Variants in CAPN15 observed in about 807,000 individuals in gnomAD.
CAPN15 encodes the protein calpain-15.
In CAPN15, 53 loss-of-function variants were observed where a neutral mutation model predicts 97.9. The ratio of observed to expected loss-of-function variants is 0.54; its 90% CI spans 0.43 to 0.68. The LOEUF (loss-of-function observed/expected upper bound fraction) is 0.68. CAPN15 is among the 30% of genes least tolerant of loss of function. The pLI is 0.00. For synonymous variants in CAPN15, 922 were observed against 722.5 expected (o/e 1.28, Z -4.43); for missense variants, 1,592 against 1,589.8 (o/e 1.00, Z -0.02).
At position 546,972 on chromosome 16, in the gene CAPN15, A is replaced by G. The variant is rs372023253; in HGVS notation, c.134A>G (p.Glu45Gly). 1.2e-5 allele frequency: 19 copies of G among 1,610,272 alleles called. No individual in the cohort carries two copies. In the African/African-American group the frequency reaches 1.7e-4, roughly 15 times the overall value. ...CACATCCTGCGGCTCAGCGTGGAGG[A>G]GCAGAAATGGCCCTGCGCCCGCTGC... The part of the protein sequence containing the change: ...LNHILRLSVE[E>G]QKWPCARCTF... The change falls in exon 4 of 14, where the codon GAG (glutamate) becomes GGG (glycine). Residue 45 changes from glutamate (E) to glycine (G), a missense_variant. Glu to Gly is a moderately conservative substitution (Grantham distance 98). Transcript: ENST00000219611.
chr16:553,805 G>A lies in CAPN15; in HGVS notation c.*289G>A, dbSNP rs369514128. 150 of 331,344 alleles carry A rather than the reference G, an allele frequency of 4.5e-4. No individual in the cohort carries two copies. Among genetic ancestry groups the A allele is most frequent in the African/African-American group, 1.8e-3 (87 of 47,028 alleles). The allele number at this position is 331,344 out of a possible 1,614,324, so 20.5% of individuals were successfully genotyped here. ...CCAGCCCCAACACCCGACGGGGGCC[G>A]AGGCCAGGCTGCCCCTCCCTGTGGG... On this transcript the variant is annotated 3_prime_UTR_variant, in exon 14 of 14. Coordinates refer to ENST00000219611, the MANE Select transcript of CAPN15 (RefSeq NM_005632.3).
At position 549,778 on chromosome 16, in the gene CAPN15, G is replaced by A. The variant is rs749534366; in HGVS notation, c.2006G>A (p.Arg669His). 53 of 1,592,822 alleles carry A rather than the reference G, an allele frequency of 3.3e-5. No homozygotes were observed. The highest frequency in any genetic ancestry group is 1.7e-4 in the Middle Eastern group (1 of 6,060). The change falls in exon 7 of 14, where the codon CGC (arginine) becomes CAC (histidine). Residue 669 changes from arginine to histidine, a missense_variant. Physicochemically the swap from Arg to His is conservative, Grantham distance 29. Transcript: ENST00000219611. ...LALQLSSTNP[R>H]EEPVDTDLIW... ...CTGCAGCTCAGCTCCACTAACCCCC[G>A]CGAGGAGCCCGTTGACACTGACCTC...
chr16:534,460 C>T (rs911241592), intron 2 of CAPN15, among the ~76,000 whole-genome samples: 1 of 152,184 alleles, frequency 6.6e-6, no homozygotes, highest in Non-Finnish European at 1.5e-5. Context: ...TCGGAGTCCA[C>T]GTCCTCCCCC....
At position 548,194 on chromosome 16, in the gene CAPN15, G is replaced by T; in HGVS notation, c.1356G>T (p.Arg452Ser). ...AGCGGCGGGGGGCCGCGCCCCTGAG[G>T]CGCAGGGAGAGCATGCACGTGGAGC... ...VAQRRGAAPL[R>S]RRESMHVEQR... Residue 452 changes from arginine to serine, a missense_variant, in exon 4 of 14, where the codon AGG (arginine) becomes AGT (serine). By Grantham distance (110) the Arg-to-Ser change is moderately radical. Coordinates refer to ENST00000219611, the MANE Select transcript of CAPN15 (RefSeq NM_005632.3). 6.5e-7 allele frequency: 1 copy of T among 1,542,312 alleles called. No homozygotes were observed. The highest frequency in any genetic ancestry group is 8.7e-7 in the Non-Finnish European group (1 of 1,144,662).
intron 7 of CAPN15, among the ~76,000 whole-genome samples, chr16:550,778 T>TCCCGGTCAGTGAGGGC (rs2034961174): frequency 5.8e-4 from 1 of 1,716 alleles, no homozygotes; most frequent in Non-Finnish European, 1.1e-3. Flanking sequence ...CCGGTGAGGG[T>TCCCGGTCAGTGAGGGC]CCCGGTCGGT....
In CAPN15 at chr16:547,718, C is replaced by T. The variant is rs374282083; in HGVS notation, c.880C>T (p.Arg294Trp). Reference sequence around the variant, plus strand: ...CCTAGCAGAGTTGCTGTCTGGCAAGCGGCTGAGTGTGCTGGAGGAAGAGGC... The same window carrying T: ...CCTAGCAGAGTTGCTGTCTGGCAAGTGGCTGAGTGTGCTGGAGGAAGAGGC... ...SRLAELLSGK[R>W]LSVLEEEATE... is the part of the protein sequence containing the mutation. Residue 294 changes from arginine to tryptophan, a missense_variant, in exon 4 of 14, where the codon CGG becomes TGG. Physicochemically the swap from Arg to Trp is moderately radical, Grantham distance 101 (BLOSUM62 -3). Around this residue, in one of 3 missense-constraint regions of CAPN15, gnomAD observed 883 missense variants for 776.6 expected, o/e 1.14. Transcript: ENST00000219611. 6.4e-5 allele frequency: 102 copies of T among 1,600,240 alleles called. No individual in the cohort carries two copies. The highest frequency in any genetic ancestry group is 1.7e-4 in the Middle Eastern group (1 of 6,052).
intron 1 of CAPN15, among the ~76,000 whole-genome samples, chr16:530,464 C>T (rs560441171): frequency 5.9e-5 from 9 of 152,238 alleles, no homozygotes; most frequent in Non-Finnish European, 1.3e-4. Flanking sequence ...GTGGACACGG[C>T]CACACCTGAG....
chr16:543,736 AC>A (rs2034321423), intron 3 of CAPN15, among the ~76,000 whole-genome samples: 1 of 152,112 alleles, frequency 6.6e-6, no homozygotes, highest in Admixed American at 6.5e-5. Flanking sequence ...AGCCCTCCCC[AC>A]CACGTGCATG....
chr16:539,917 G>A (rs1338407546), intron 3 of CAPN15: 1 of 202,876 alleles, frequency 4.9e-6, no homozygotes, highest in Admixed American at 6.5e-5. Flanking sequence ...CCCGAGGGAG[G>A]AGCCCTGTGG....
chr16:536,365 C>T (rs2033725915), intron 3 of CAPN15, among the ~76,000 whole-genome samples: 1 of 152,190 alleles, frequency 6.6e-6, no homozygotes, highest in Non-Finnish European at 1.5e-5. Flanking sequence ...GGGGCCCTCC[C>T]ATCGGAGTCT....
At position 549,214 on chromosome 16, in the gene CAPN15, C is replaced by T; in HGVS notation, c.1658+13C>T. 2.0e-6 allele frequency: 1 copy of T among 506,158 alleles called. No individual in the cohort carries two copies. The highest frequency in any genetic ancestry group is 3.6e-6 in the Non-Finnish European group (1 of 278,768). The allele number at this position is 506,158 out of a possible 1,614,324, so 31.4% of individuals were successfully genotyped here. A position where few individuals can be genotyped will look rare whatever the true frequency, so the allele number is the denominator to read the frequency against. On this transcript the variant is annotated intron_variant, in intron 5 of 13. Transcript: ENST00000219611. ...TGGGGAACTGCTGGTGAGGCCTTCT[C>T]CAAGGCCGGGGTGGGGCGGGTGGGC...
intron 9 of CAPN15, 114 bp from the exon 10 acceptor site, chr16:551,937 G>A (rs1417587034): frequency 2.5e-6 from 3 of 1,215,592 alleles, no homozygotes; most frequent in South Asian, 2.6e-5. Flanking sequence ...CAAGAGGACG[G>A]TGACGGAGCA....
chr16:540,491 T>C (rs1015577633), intron 3 of CAPN15: 6 of 359,480 alleles, frequency 1.7e-5, no homozygotes, highest in South Asian at 2.2e-4. Flanking sequence ...CTTCCAGTTG[T>C]GGCAGCTCTC....
chr16:546,325 G>T (rs919366708), intron 3 of CAPN15, among the ~76,000 whole-genome samples: 1 of 152,250 alleles, frequency 6.6e-6, no homozygotes, highest in African/African-American at 2.4e-5. Flanking sequence ...GCCAGGCAGA[G>T]CAGCCAGTCT....
rs1183517018 is a variant in CAPN15 at position 550,749 on chromosome 16, G to C, written c.2067-553G>C. On this transcript the variant is annotated intron_variant, in intron 7 of 13. Transcript: ENST00000219611. ...GAGGGTCCCCGTCGGTGAGGGTCCCGGTCGGTGAGGGTCCCCTGCCGGTGA... is the reference window on the plus strand; with the variant it reads ...GAGGGTCCCCGTCGGTGAGGGTCCCCGTCGGTGAGGGTCCCCTGCCGGTGA... 5.4e-4 allele frequency among the ~76,000 whole-genome samples: 66 copies of C among 122,746 alleles called. 1 individual carries two copies. The highest frequency in any genetic ancestry group is 9.2e-4 in the Non-Finnish European group (54 of 58,870). 80.5% of individuals were successfully genotyped at this position (122,746 alleles called of 152,430 possible).
At chr16:545,739 C>T (rs2034540363) in intron 3 of CAPN15, among the ~76,000 whole-genome samples, 1 of 152,222 alleles carries the variant, frequency 6.6e-6, no homozygotes, top group African/African-American at 2.4e-5. Context: ...GAGGCCCAGC[C>T]CACCTCTGCC....
intron 7 of CAPN15, among the ~76,000 whole-genome samples, chr16:550,500 C>G (rs563114098): frequency 6.6e-6 from 1 of 152,244 alleles, no homozygotes; most frequent in African/African-American, 2.4e-5. Context: ...GCTGCGCCTG[C>G]CTGTCTTGGT....
At chr16:532,994 G>T (rs2033383606) in intron 1 of CAPN15, among the ~76,000 whole-genome samples, 1 of 152,208 alleles carries the variant, frequency 6.6e-6, no homozygotes, top group Non-Finnish European at 1.5e-5. Flanking sequence ...GCCGAGGCGG[G>T]TGGATCACCT....
At position 547,583 on chromosome 16, in the gene CAPN15, C is replaced by T. The variant is rs1166150271; in HGVS notation, c.745C>T (p.Arg249Cys). 7 of 1,579,542 alleles carry T rather than the reference C, an allele frequency of 4.4e-6. No individual in the cohort carries two copies. Among genetic ancestry groups the T allele is most frequent in the South Asian group, 2.2e-5 (2 of 90,006 alleles). The change falls in exon 4 of 14, where the codon CGC (arginine) becomes TGC (cysteine). Residue 249 changes from arginine (R) to cysteine (C), a missense_variant. Physicochemically the swap from Arg to Cys is radical, Grantham distance 180. This residue lies in a region of CAPN15 where 883 missense variants were observed against 776.6 expected (regional missense o/e 1.14). Transcript: ENST00000219611. ...LQNNPVPRSR[R>C]EVPPQLQPPV... Reference sequence around the variant, plus strand: ...GAACAACCCCGTGCCGCGCAGCCGACGCGAGGTTCCCCCCCAGCTGCAGCC... The same window carrying T: ...GAACAACCCCGTGCCGCGCAGCCGATGCGAGGTTCCCCCCCAGCTGCAGCC...
Sources: allele counts gnomAD v4.1 joint callset (sites outside exome capture counted in the v4.1 genomes callset), GRCh38; gene constraint gnomAD v4.1.1; regional missense constraint gnomAD v4.1.1; transcripts MANE v1.5; gene names NCBI Gene and HGNC (gene_info 2026-07-23, HGNC 2026-07-21).